Variants in IFT74 observed in about 807,000 individuals in gnomAD.
IFT74 encodes intraflagellar transport protein 74 homolog.
IFT74 carries 92 observed loss-of-function variants against 96.7 expected under a neutral mutation model. That is an observed-to-expected ratio of 0.95 (90% CI 0.80 to 1.13). The LOEUF is 1.13. Among genes scored for constraint, IFT74 ranks in the 50% most tolerant of loss-of-function variants. The pLI is 0.00. For synonymous variants in IFT74, 223 were observed against 213.2 expected (o/e 1.05, Z -0.40); for missense variants, 811 against 698.2 (o/e 1.16, Z -1.82).
intron 8 of IFT74, among the ~76,000 whole-genome samples, chr9:27,006,034 C>T (rs1038311961): frequency 2.2e-4 from 33 of 151,854 alleles, no homozygotes; most frequent in Admixed American, 3.3e-4. Flanking sequence ...AGTAGAGATG[C>T]GGTTTCACCA....
rs183261382 is a variant in IFT74 at position 27,007,204 on chromosome 9, T to C, written c.588-1816T>C. On this transcript the variant is annotated intron_variant, in intron 8 of 19. Coordinates refer to ENST00000380062, the MANE Select transcript of IFT74 (RefSeq NM_025103.4). ...CCAAGTTATAACAGGAGCAAAGTAC[T>C]CAAAGCATCAAAAAGACCTTACACC... 2.0e-5 allele frequency among the ~76,000 whole-genome samples: 3 copies of C among 152,268 alleles called. No individual in the cohort carries two copies. In the East Asian group the frequency reaches 5.8e-4, roughly 29 times the overall value.
At chr9:26,955,034 A>G (rs1031051470), upstream of IFT74, among the ~76,000 whole-genome samples, 1 of 152,238 alleles carries the variant, frequency 6.6e-6, no homozygotes, top group African/African-American at 2.4e-5. Flanking sequence ...TAAGCAAATT[A>G]TTTAATCTCT....
chr9:27,022,117 T>C (rs1415838665), intron 12 of IFT74, among the ~76,000 whole-genome samples: 1 of 152,176 alleles, frequency 6.6e-6, no homozygotes, highest in Non-Finnish European at 1.5e-5. Flanking sequence ...TTTTTTTTGC[T>C]TTTTCGAAGA....
intron 13 of IFT74, 117 bp downstream of exon 13, chr9:27,029,221 T>A: frequency 1.5e-6 from 1 of 654,216 alleles, no homozygotes; most frequent in South Asian, 3.4e-5. Context: ...TAATTCTCTA[T>A]GATATTACTA....
intron 12 of IFT74, among the ~76,000 whole-genome samples, chr9:27,020,497 CAG>C (rs1243243174): frequency 7.2e-6 from 1 of 138,106 alleles, no homozygotes; most frequent in East Asian, 2.2e-4. Flanking sequence ...TTTTTTGAGA[CAG>C]AGTCTCCCTC....
chr9:27,029,486 G>A (rs948231976), intron 13 of IFT74, among the ~76,000 whole-genome samples: 2 of 152,100 alleles, frequency 1.3e-5, no homozygotes, highest in African/African-American at 2.4e-5. Flanking sequence ...GGTGGCTCAC[G>A]CCTGTAATCC....
intron 13 of IFT74, chr9:27,036,344 C>T: frequency 1.4e-6 from 2 of 1,409,000 alleles, no homozygotes; most frequent in South Asian, 3.1e-5. Context: ...TGGGTGAAAC[C>T]TAATGCCAAA....
intron 8 of IFT74, among the ~76,000 whole-genome samples, chr9:27,000,293 T>A (rs1828410260): frequency 2.0e-5 from 3 of 152,332 alleles, no homozygotes; most frequent in Middle Eastern, 3.4e-3. Context: ...TAAGTGGTTG[T>A]AAATTTTAAA....
chr9:26,961,505 C>T (rs1243986511), intron 1 of IFT74, among the ~76,000 whole-genome samples: 2 of 152,082 alleles, frequency 1.3e-5, no homozygotes, highest in African/African-American at 2.4e-5. Flanking sequence ...AACACTTGGA[C>T]TACCGAAAGT....
chr9:27,018,053 C>T (rs1412048167), intron 11 of IFT74, among the ~76,000 whole-genome samples: 1 of 151,996 alleles, frequency 6.6e-6, no homozygotes, highest in African/African-American at 2.4e-5. Context: ...CTGTGTAGTT[C>T]CTTGGAGAGA....
intron 13 of IFT74, among the ~76,000 whole-genome samples, chr9:27,032,844 G>A (rs1416430325): frequency 6.6e-6 from 1 of 151,362 alleles, no homozygotes; most frequent in Non-Finnish European, 1.5e-5. Context: ...CCAGCCTTGG[G>A]CGACAGAGCA....
intron 4 of IFT74, among the ~76,000 whole-genome samples, chr9:26,982,938 T>C (rs1827453718): frequency 6.6e-6 from 1 of 152,196 alleles, no homozygotes; most frequent in Admixed American, 6.6e-5. Flanking sequence ...TCTAAATCAA[T>C]GACTTTTTCT....
At chr9:27,028,980 A>T in intron 12 of IFT74, 45 bp from the exon 13 acceptor site, 1 of 1,487,340 alleles carries the variant, frequency 6.7e-7, no homozygotes, top group Non-Finnish European at 9.2e-7. Flanking sequence ...TTTTTATTGA[A>T]TGTCTATATT....
rs543920352 is a variant in IFT74, at chr9:27,061,084, G to A, written c.1684+433G>A. On this transcript the variant is annotated intron_variant, in intron 19 of 19. Coordinates refer to ENST00000380062, the MANE Select transcript of IFT74 (RefSeq NM_025103.4). Reference sequence around the variant, plus strand: ...CACCTACTTATTAAATACCAGATATGTACAAAACCCTGGGCCAAATTAAAT... The same window carrying A: ...CACCTACTTATTAAATACCAGATATATACAAAACCCTGGGCCAAATTAAAT... The A allele has an allele frequency of 1.8e-4, 33 of 186,998 alleles. 2 individuals carry two copies. In the South Asian group the frequency reaches 2.7e-3, roughly 15 times the overall value. 11.6% of individuals were successfully genotyped at this position (186,998 alleles called of 1,614,324 possible).
chr9:26,950,196 C>T (rs1332741319), intron 1 of IFT74, among the ~76,000 whole-genome samples: 1 of 151,942 alleles, frequency 6.6e-6, no homozygotes, highest in Non-Finnish European at 1.5e-5. Context: ...CCTGTAGTCC[C>T]AGCTACTCAG....
At position 27,042,533 on chromosome 9, in the gene IFT74, A is replaced by G. The variant is rs145801704; in HGVS notation, c.1055-2209A>G. ...TAAGCAGTTGTATAATCTCACTGAG[A>G]ACAATTTCATTGGAACAGGAGGAGG... On this transcript the variant is annotated intron_variant, in intron 13 of 19. Coordinates refer to ENST00000380062, the MANE Select transcript of IFT74 (RefSeq NM_025103.4). 5.5e-3 allele frequency among the ~76,000 whole-genome samples: 841 copies of G among 152,340 alleles called. 5 individuals are homozygous for G. The highest frequency in any genetic ancestry group is 0.019 in the African/African-American group (780 of 41,578).
chr9:27,055,807 C>A (rs748512417), intron 17 of IFT74, 35 bp downstream of exon 17: 11 of 1,363,718 alleles, frequency 8.1e-6, no homozygotes, highest in South Asian at 3.3e-5. Context: ...AATTACAATT[C>A]AGATTGTTTT....
intron 19 of IFT74, among the ~76,000 whole-genome samples, chr9:27,061,677 G>GTATATATATATATATATA (rs10668267): frequency 3.4e-4 from 49 of 143,098 alleles, no homozygotes; most frequent in East Asian, 1.1e-3. Flanking sequence ...ATATCCACAA[G>GTATATATATATATATATA]TATATATATA....
chr9:26,977,592 G>A (rs1032614816), intron 2 of IFT74, among the ~76,000 whole-genome samples: 1 of 152,152 alleles, frequency 6.6e-6, no homozygotes, highest in Non-Finnish European at 1.5e-5. Context: ...AGATTCAAGC[G>A]ACTCTCATGG....
Sources: gnomAD v4.1 joint callset for allele counts (sites outside exome capture counted in the v4.1 genomes callset) on GRCh38, gnomAD v4.1.1 for gene constraint, MANE v1.5 for transcripts, NCBI Gene and HGNC (gene_info 2026-07-23, HGNC 2026-07-21) for gene names.